RTN4IP1: variants seen among roughly 807,000 people sequenced by gnomAD.
The protein encoded by RTN4IP1 is NAD(P)H oxidoreductase RTN4IP1, mitochondrial.
A neutral mutation model predicts 46.6 loss-of-function variants in RTN4IP1; 32 were observed. The ratio of observed to expected loss-of-function variants is 0.69; its 90% confidence interval spans 0.52 to 0.92. The LOEUF is 0.92. Ranked by LOEUF, RTN4IP1 falls within the 40% of genes least tolerant of loss-of-function variation. The pLI is 0.00. For missense variants in RTN4IP1, 424 were observed against 485.8 expected (o/e 0.87, Z 1.20); for synonymous variants, 167 against 161.8 (o/e 1.03, Z -0.24).
chr6:106,581,532 C>T (rs1391277133), intron 8 of RTN4IP1, among the ~76,000 whole-genome samples: 2 of 152,166 alleles, frequency 1.3e-5, no homozygotes, highest in Non-Finnish European at 2.9e-5. Context: ...CATCCAGTGC[C>T]ACATACCAAC....
intron 8 of RTN4IP1, among the ~76,000 whole-genome samples, chr6:106,573,188 T>C (rs1261708045): frequency 6.6e-6 from 1 of 152,208 alleles, no homozygotes; most frequent in African/African-American, 2.4e-5. Context: ...ATCCTCTCCA[T>C]GCAAAAATCC....
At chr6:106,592,943 C>T (rs1222106774) in intron 5 of RTN4IP1, among the ~76,000 whole-genome samples, 1 of 148,462 alleles carries the variant, frequency 6.7e-6, no homozygotes, top group South Asian at 2.1e-4. Flanking sequence ...AAAAAAAAAG[C>T]CTCAAATTTA....
chr6:106,595,576 C>T (rs981135268), intron 5 of RTN4IP1, among the ~76,000 whole-genome samples: 50 of 151,352 alleles, frequency 3.3e-4, no homozygotes, highest in African/African-American at 1.2e-3. Context: ...CTGCCCACTG[C>T]AACCTCTGCC....
rs141623052 is a variant in RTN4IP1 at position 106,584,078 on chromosome 6, C to A, written c.991-658G>T. Among the ~76,000 whole-genome samples, 142 of 152,274 alleles carry A rather than the reference C, an allele frequency of 9.3e-4. 2 individuals are homozygous for A. Among genetic ancestry groups the A allele is most frequent in the African/African-American group, 3.3e-3 (137 of 41,568 alleles). ...AATCTTACACCAAGAGGGTTCATGA[C>A]CACTCTACTGCCACTTATAAATGTT... On this transcript the variant is annotated intron_variant, in intron 7 of 8. Coordinates refer to ENST00000369063, the MANE Select transcript of RTN4IP1 (RefSeq NM_032730.5).
intron 5 of RTN4IP1, among the ~76,000 whole-genome samples, chr6:106,600,812 T>C (rs1273756191): frequency 1.3e-5 from 2 of 152,188 alleles, no homozygotes; most frequent in East Asian, 1.9e-4. Context: ...TATATGTCTA[T>C]ACCACATTTT....
intron 5 of RTN4IP1, among the ~76,000 whole-genome samples, chr6:106,599,255 T>C (rs971231668): frequency 2.0e-5 from 3 of 152,050 alleles, no homozygotes; most frequent in East Asian, 1.9e-4. Flanking sequence ...TTTTTTGTTG[T>C]AAAATATAAT....
At position 106,628,050 on chromosome 6, in the gene RTN4IP1, G is replaced by C. The variant is rs192218666; in HGVS notation, c.274+698C>G. On this transcript the variant is annotated intron_variant, in intron 1 of 8. Coordinates refer to ENST00000369063, the MANE Select transcript of RTN4IP1 (RefSeq NM_032730.5). ...GCCCTTGCACTCCAGCCTGCCGATA[G>C]AGTGAGACTCTGTCTCAAAAACAAA... Among the ~76,000 whole-genome samples the C allele has an allele frequency of 1.1e-3, 171 of 149,550 alleles. 2 individuals are homozygous for C. The highest frequency in any genetic ancestry group is 4.0e-3 in the African/African-American group (164 of 40,740).
rs1419182872 is a variant in RTN4IP1, at chr6:106,625,645, CTTTTTTCTT to C, written c.275-2685_275-2677del. 6.3e-5 allele frequency among the ~76,000 whole-genome samples: 9 copies of C among 143,052 alleles called. No homozygotes were observed. In the East Asian group the frequency reaches 6.3e-4, roughly 10 times the overall value. The allele number at this position is 143,052 out of a possible 152,430, so 93.8% of individuals were successfully genotyped here. The stretch of plus-strand genomic sequence containing the variant: ...GGATGGACAGAGGACTTTTGAGTGG[CTTTTTTCTT>C]TTTTTTCTTTTTTTTTTTTTTTTTT... On this transcript the variant is annotated intron_variant, in intron 1 of 8. Coordinates refer to ENST00000369063, the MANE Select transcript of RTN4IP1 (RefSeq NM_032730.5).
At chr6:106,623,274 G>A (rs1776535240) in intron 1 of RTN4IP1, among the ~76,000 whole-genome samples, 1 of 152,152 alleles carries the variant, frequency 6.6e-6, no homozygotes, top group Non-Finnish European at 1.5e-5. Context: ...GGATGGAACT[G>A]GGGGCCATTA....
intron 1 of RTN4IP1, among the ~76,000 whole-genome samples, chr6:106,625,661 C>CTTTTTTTTTT (rs773454257): frequency 3.1e-3 from 354 of 112,698 alleles, no homozygotes; most frequent in East Asian, 6.4e-3. Context: ...TCTTTTTTTT[C>CTTTTTTTTTT]TTTTTTTTTT....
At chr6:106,591,871 A>G (rs531875613) in intron 6 of RTN4IP1, among the ~76,000 whole-genome samples, 1 of 152,316 alleles carries the variant, frequency 6.6e-6, no homozygotes, top group East Asian at 1.9e-4. Flanking sequence ...AAGGGAACAC[A>G]TTTCCAATTT....
At chr6:106,617,520 T>C (rs550357340) in intron 4 of RTN4IP1, among the ~76,000 whole-genome samples, 2 of 152,240 alleles carry the variant, frequency 1.3e-5, no homozygotes, top group African/African-American at 2.4e-5. Flanking sequence ...CATAAATATA[T>C]AGCATGTGGT....
At chr6:106,603,901 G>A (rs1269615567) in intron 4 of RTN4IP1, among the ~76,000 whole-genome samples, 1 of 152,118 alleles carries the variant, frequency 6.6e-6, no homozygotes, top group African/African-American at 2.4e-5. Flanking sequence ...AAAAGTGATT[G>A]TTTGATATCT....
chr6:106,582,985 T>A (rs559355939), intron 8 of RTN4IP1, among the ~76,000 whole-genome samples: 1 of 152,102 alleles, frequency 6.6e-6, no homozygotes, highest in Non-Finnish European at 1.5e-5. Context: ...GGGGACCTGA[T>A]AAAATATTAG....
intron 5 of RTN4IP1, among the ~76,000 whole-genome samples, chr6:106,600,970 T>C (rs547626779): frequency 1.3e-5 from 2 of 152,286 alleles, no homozygotes; most frequent in Non-Finnish European, 1.5e-5. Context: ...TGCTGGGTCA[T>C]ATGGTAATTC....
chr6:106,595,094 G>A (rs973385779), intron 5 of RTN4IP1, among the ~76,000 whole-genome samples: 1 of 152,130 alleles, frequency 6.6e-6, no homozygotes, highest in Non-Finnish European at 1.5e-5. Flanking sequence ...GAGCCACTGT[G>A]CCCGGCCTTA....
rs73524952 is a variant in RTN4IP1 at position 106,583,436 on chromosome 6, C to G, written c.991-16G>C. 6 of 1,582,420 alleles carry G rather than the reference C, an allele frequency of 3.8e-6. No homozygotes were observed. In the Admixed American group the frequency reaches 1.0e-4, roughly 27 times the overall value. ...TCCAGAAATGCTAAAAAGAAGAAAA[C>G]AAAACATGTCAAATACAGAAAAACA... On this transcript the variant is annotated splice_polypyrimidine_tract_variant and intron_variant, in intron 7 of 8. Coordinates refer to ENST00000369063, the MANE Select transcript of RTN4IP1 (RefSeq NM_032730.5).
chr6:106,594,680 A>T, intron 5 of RTN4IP1, among the ~76,000 whole-genome samples: 1 of 152,188 alleles, frequency 6.6e-6, no homozygotes, highest in Non-Finnish European at 1.5e-5. Flanking sequence ...TTTTTATAGT[A>T]ATCACCTCCT....
rs893809180 is a variant in RTN4IP1, at chr6:106,592,223, T to C, written c.747A>G (p.Ala249=). Residue 249 remains alanine, a synonymous_variant, in exon 6 of 9, where the codon GCA becomes GCG. Transcript: ENST00000369063. ...CAGATTTGTAATCAATTACATCGTC[T>C]GCACCAAGCTTCCTTACAAGTTCAC... ...DASELVRKLG[A]DDVIDYKSGS... is the part of the protein sequence containing the mutation. 1.9e-6 allele frequency: 3 copies of C among 1,614,052 alleles called. No homozygotes were observed. The African/African-American group carries it at 4.0e-5, about 22-fold the overall frequency.
Sources: allele counts gnomAD v4.1 joint callset (sites outside exome capture counted in the v4.1 genomes callset), GRCh38; gene constraint gnomAD v4.1.1; transcripts MANE v1.5; gene names NCBI Gene and HGNC (gene_info 2026-07-23, HGNC 2026-07-21).